The following ADAMTS6 variants were observed in gnomAD, a reference collection of about 807,000 sequenced individuals.
ADAMTS6 encodes the protein A disintegrin and metalloproteinase with thrombospondin motifs 6.
ADAMTS6 carries 23 observed loss-of-function variants against 144.3 expected under a neutral mutation model. The ratio of observed to expected loss-of-function variants is 0.16; its 90% CI spans 0.11 to 0.23. The LOEUF is 0.23. ADAMTS6 is among the 10% of genes least tolerant of loss of function. The probability of loss-of-function intolerance (pLI) is 1.00; values close to 1 mark genes in which losing one functional copy is unlikely to be tolerated. For missense variants in ADAMTS6, 999 were observed against 1,379.6 expected, an observed-to-expected ratio of 0.72 and a Z score of 4.37; for synonymous variants, 444 against 457.5, an observed-to-expected ratio of 0.97 and a Z score of 0.38.
At chr5:65,337,162 ATACT>A (rs2150069729) in intron 7 of ADAMTS6, among the ~76,000 whole-genome samples, 1 of 152,288 alleles carries the variant, frequency 6.6e-6, no homozygotes, top group Non-Finnish European at 1.5e-5. Context: ...AAACTTCACT[ATACT>A]TAATTTCCAT....
chr5:65,471,843 C>A (rs2150285357), intron 2 of ADAMTS6, among the ~76,000 whole-genome samples: 1 of 152,142 alleles, frequency 6.6e-6, no homozygotes, highest in African/African-American at 2.4e-5. Context: ...AACAGTCTGA[C>A]AATTCCTCAA....
Position 65,226,100 on chromosome 5 carries a change from T to C in ADAMTS6, c.2053A>G (p.Asn685Asp). The change falls in exon 16 of 25, where the codon AAT (asparagine) becomes GAT (aspartate). Residue 685 changes from asparagine (N) to aspartate (D), a missense_variant. Coordinates refer to ENST00000381055, the MANE Select transcript of ADAMTS6 (RefSeq NM_197941.4). ...CNADSLDICI[N>D]GECKHVGCDN... ...ATCTGAGCAACCTTGCATTCTCCAT[T>C]GATGCAGATATCCAGTGAATCCGCA... is the stretch of plus-strand genomic sequence containing the variant. 1 of 1,611,338 alleles carries C rather than the reference T, an allele frequency of 6.2e-7. No individual in the cohort carries two copies. Among genetic ancestry groups the C allele is most frequent in the Non-Finnish European group, 8.5e-7 (1 of 1,178,372 alleles).
In ADAMTS6 at chr5:65,291,377, C is replaced by T. The variant is rs1742289038; in HGVS notation, c.1464G>A (p.Glu488=). 1 of 1,613,852 alleles carries T rather than the reference C, an allele frequency of 6.2e-7. No individual in the cohort carries two copies. Among genetic ancestry groups the T allele is most frequent in the Non-Finnish European group, 8.5e-7 (1 of 1,179,942 alleles). Residue 488 remains glutamate, a synonymous_variant, in exon 11 of 25, where the codon GAG becomes GAA. Coordinates refer to ENST00000381055, the MANE Select transcript of ADAMTS6 (RefSeq NM_197941.4). The part of the protein sequence containing the change: ...VAPGQVYDAD[E]QCRFQYGATS... Reference sequence around the variant, plus strand: ...TTGCTCCATACTGGAAACGACATTGCTCATCAGCATCATACACCTGACCTG... The same window carrying T: ...TTGCTCCATACTGGAAACGACATTGTTCATCAGCATCATACACCTGACCTG...
At chr5:65,223,965 A>G (rs1184142696) in intron 18 of ADAMTS6, among the ~76,000 whole-genome samples, 1 of 151,844 alleles carries the variant, frequency 6.6e-6, no homozygotes, top group East Asian at 1.9e-4. Context: ...ACACCCAGCT[A>G]ATTTTTCTGT....
At chr5:65,218,874 G>A (rs1308143412) in intron 18 of ADAMTS6, among the ~76,000 whole-genome samples, 1 of 152,074 alleles carries the variant, frequency 6.6e-6, no homozygotes. Context: ...ACTGTTGTAA[G>A]GGTCTTACAT....
At chr5:65,350,334 G>C (rs1748740776) in intron 7 of ADAMTS6, among the ~76,000 whole-genome samples, 1 of 152,206 alleles carries the variant, frequency 6.6e-6, no homozygotes, top group African/African-American at 2.4e-5. Flanking sequence ...ATACCTCTAA[G>C]TCTTCTTTTC....
intron 9 of ADAMTS6, among the ~76,000 whole-genome samples, chr5:65,306,756 T>A (rs1743976126): frequency 6.6e-6 from 1 of 152,240 alleles, no homozygotes; most frequent in Non-Finnish European, 1.5e-5. Context: ...ATAGTAGGTA[T>A]AATTTGCCTT....
At chr5:65,188,891 A>C (rs574087452) in intron 21 of ADAMTS6, among the ~76,000 whole-genome samples, 46 of 152,342 alleles carry the variant, frequency 3.0e-4, no homozygotes, top group Admixed American at 5.2e-4. Context: ...AACCACTCTA[A>C]GGAAGCTGAG....
In ADAMTS6 at chr5:65,472,559, G is replaced by A. The variant is rs191061205; in HGVS notation, c.97+1018C>T. On this transcript the variant is annotated intron_variant, in intron 2 of 24. Coordinates refer to ENST00000381055, the MANE Select transcript of ADAMTS6 (RefSeq NM_197941.4). Reference sequence around the variant, plus strand: ...CTAAAATTTCAGAGAACTAAATGAGGAACATATTTTCCTCATTTAGATGTA... The same window carrying A: ...CTAAAATTTCAGAGAACTAAATGAGAAACATATTTTCCTCATTTAGATGTA... Among the ~76,000 whole-genome samples the A allele has an allele frequency of 1.9e-4, 29 of 152,034 alleles. 1 individual carries two copies. Among genetic ancestry groups the A allele is most frequent in the Admixed American group, 1.8e-3 (27 of 15,264 alleles).
intron 7 of ADAMTS6, among the ~76,000 whole-genome samples, chr5:65,435,677 G>A (rs1580702410): frequency 6.6e-6 from 1 of 151,548 alleles, no homozygotes; most frequent in Non-Finnish European, 1.5e-5. Context: ...TCAGGCTGGA[G>A]TACAGTGGCG....
intron 9 of ADAMTS6, among the ~76,000 whole-genome samples, chr5:65,301,755 A>G (rs1460332150): frequency 2.0e-5 from 3 of 152,106 alleles, no homozygotes; most frequent in Admixed American, 6.6e-5. Context: ...ACTGACTTTC[A>G]TAAGTACAAT....
At chr5:65,404,824 A>C (rs1754296429) in intron 7 of ADAMTS6, among the ~76,000 whole-genome samples, 1 of 152,196 alleles carries the variant, frequency 6.6e-6, no homozygotes, top group Admixed American at 6.5e-5. Context: ...CTGACTTTTT[A>C]ATGATCGCCA....
intron 20 of ADAMTS6, among the ~76,000 whole-genome samples, chr5:65,203,943 C>T (rs1470359209): frequency 6.6e-6 from 1 of 152,038 alleles, no homozygotes; most frequent in Non-Finnish European, 1.5e-5. Context: ...TCAGATTCAC[C>T]CAAGTTTTTC....
At chr5:65,375,436 A>G (rs1236847925) in intron 7 of ADAMTS6, among the ~76,000 whole-genome samples, 1 of 151,950 alleles carries the variant, frequency 6.6e-6, no homozygotes, top group African/African-American at 2.4e-5. Context: ...CAACCCCATC[A>G]AAAAGTGGGC....
At position 65,258,555 on chromosome 5, in the gene ADAMTS6, G is replaced by T. The variant is rs181567415; in HGVS notation, c.1830+2045C>A. ...TGCCTCCTATATCGAGGACTGGATA[G>T]CAAAGGGGAATCCTCATAAAAGGCT... On this transcript the variant is annotated intron_variant, in intron 14 of 24. Transcript: ENST00000381055. 1.9e-3 allele frequency among the ~76,000 whole-genome samples: 293 copies of T among 152,316 alleles called. 2 individuals are homozygous for T. The highest frequency in any genetic ancestry group is 6.8e-3 in the African/African-American group (281 of 41,580).
Position 65,388,424 on chromosome 5 carries a change from T to A in ADAMTS6, c.1074-54339A>T, listed in dbSNP as rs141627902. 4.3e-3 allele frequency among the ~76,000 whole-genome samples: 651 copies of A among 152,228 alleles called. 2 individuals carry two copies. Among genetic ancestry groups the A allele is most frequent in the African/African-American group, 0.015 (636 of 41,528 alleles). On this transcript the variant is annotated intron_variant, in intron 7 of 24. Transcript: ENST00000381055. ...TAACACTGAAACCCTCAGCCTACAC[T>A]CAGTTGAGCTCCTAAACTTTTAGTT...
intron 10 of ADAMTS6, among the ~76,000 whole-genome samples, chr5:65,299,730 C>A (rs1743181044): frequency 6.6e-6 from 1 of 152,044 alleles, no homozygotes; most frequent in Non-Finnish European, 1.5e-5. Flanking sequence ...AATTGTCTCC[C>A]ATTTATTAAA....
intron 22 of ADAMTS6, among the ~76,000 whole-genome samples, chr5:65,173,810 G>T (rs1035198131): frequency 2.0e-5 from 3 of 152,036 alleles, no homozygotes; most frequent in Non-Finnish European, 2.9e-5. Flanking sequence ...AGATCAAGAG[G>T]TCAAGAGATC....
At chr5:65,179,289 T>C (rs746014697) in intron 22 of ADAMTS6, among the ~76,000 whole-genome samples, 6 of 152,170 alleles carry the variant, frequency 3.9e-5, no homozygotes, top group Non-Finnish European at 7.4e-5. Flanking sequence ...AAAGAACTTG[T>C]TTGTATAATA....
Sources: allele counts gnomAD v4.1 joint callset (sites outside exome capture counted in the v4.1 genomes callset), GRCh38; gene constraint gnomAD v4.1.1; transcripts MANE v1.5; gene names NCBI Gene and HGNC (gene_info 2026-07-23, HGNC 2026-07-21).